MAPK4: variants seen among roughly 807,000 people sequenced by gnomAD.
MAPK4 encodes mitogen-activated protein kinase 4, also known as Erk3-related.
In MAPK4, 22 loss-of-function variants were observed where a neutral mutation model predicts 47.7. The observed-to-expected ratio is 0.46, with a 90% CI of 0.33 to 0.66. MAPK4 has a LOEUF of 0.66. Among genes scored for constraint, MAPK4 ranks in the 30% least tolerant of loss-of-function variants. MAPK4 has a pLI of 0.02. For synonymous variants in MAPK4, 390 were observed against 365.7 expected (o/e 1.07, Z -0.76); for missense variants, 736 against 831.7 (o/e 0.88, Z 1.42).
rs371446025 is a variant in MAPK4, at chr18:50,726,113, C to T, written c.1005C>T (p.Asp335=). The change falls in exon 5 of 6, where the codon GAC becomes GAT. Residue 335 remains aspartate (D), a synonymous_variant. Transcript: ENST00000400384. Reference sequence around the variant, plus strand: ...CCTTCCGCATTGAGGATGAGATCGACGACATCGTGCTGATGGCCGCTAACC... The same window carrying T: ...CCTTCCGCATTGAGGATGAGATCGATGACATCGTGCTGATGGCCGCTAACC... ...QHPFRIEDEI[D]DIVLMAANQS... is the part of the protein sequence containing the mutation. 7 of 1,614,060 alleles carry T rather than the reference C, an allele frequency of 4.3e-6. No individual in the cohort carries two copies. Among genetic ancestry groups the T allele is most frequent in the African/African-American group, 2.7e-5 (2 of 74,934 alleles).
intron 2 of MAPK4, among the ~76,000 whole-genome samples, chr18:50,672,656 G>T (rs954354409): frequency 2.0e-5 from 3 of 152,128 alleles, no homozygotes; most frequent in African/African-American, 7.2e-5. Flanking sequence ...TGAGCTTGGG[G>T]TGATATTATA....
intron 1 of MAPK4, among the ~76,000 whole-genome samples, chr18:50,662,794 G>A (rs1203620128): frequency 2.0e-5 from 3 of 152,210 alleles, no homozygotes; most frequent in African/African-American, 7.2e-5. Context: ...AGGTCAGAAG[G>A]GATAATTCTC....
intron 1 of MAPK4, among the ~76,000 whole-genome samples, chr18:50,561,942 A>G (rs1376791141): frequency 1.3e-5 from 2 of 152,246 alleles, no homozygotes; most frequent in African/African-American, 4.8e-5. Context: ...CAGAGAATCC[A>G]TGCTGGAGAC....
intron 1 of MAPK4, among the ~76,000 whole-genome samples, chr18:50,594,527 A>C (rs1011593325): frequency 3.9e-5 from 6 of 152,336 alleles, no homozygotes; most frequent in Admixed American, 3.9e-4. Flanking sequence ...TGGTGCTAGA[A>C]AAAAATGGAT....
At position 50,606,121 on chromosome 18, in the gene MAPK4, A is replaced by G. The variant is rs570492829; in HGVS notation, c.-871+45878A>G. 4.7e-3 allele frequency among the ~76,000 whole-genome samples: 717 copies of G among 152,164 alleles called. 5 individuals carry two copies. The highest frequency in any genetic ancestry group is 0.015 in the African/African-American group (638 of 41,528). ...GATAAAACAAGAGCACTGCAGAGGG[A>G]ATGGGAACGTGCCCTGGAGTCAGAC... On this transcript the variant is annotated intron_variant, in intron 1 of 5. Transcript: ENST00000400384.
intron 1 of MAPK4, among the ~76,000 whole-genome samples, chr18:50,637,983 T>C (rs930247918): frequency 4.6e-5 from 7 of 152,136 alleles, no homozygotes; most frequent in Non-Finnish European, 8.8e-5. Flanking sequence ...CTTCAGCGTA[T>C]GAATTTGGAG....
intron 1 of MAPK4, among the ~76,000 whole-genome samples, chr18:50,570,607 C>G (rs1356978727): frequency 1.3e-5 from 2 of 152,210 alleles, no homozygotes; most frequent in African/African-American, 4.8e-5. Flanking sequence ...CTTGCAGAGG[C>G]TGAACCATCA....
rs1246149887 is a variant in MAPK4 at position 50,663,935 on chromosome 18, C to T, written c.-24C>T. On this transcript the variant is annotated 5_prime_UTR_variant, in exon 2 of 6. Coordinates refer to ENST00000400384, the MANE Select transcript of MAPK4 (RefSeq NM_002747.4). The stretch of plus-strand genomic sequence containing the variant: ...CCTGACTGCCCCTGTGTTACCTGGG[C>T]AGCTCCAGATCACTGAGCCCACAAT... The T allele has an allele frequency of 2.5e-6, 4 of 1,588,850 alleles. No individual in the cohort carries two copies. Among genetic ancestry groups the T allele is most frequent in the Non-Finnish European group, 3.4e-6 (4 of 1,165,058 alleles).
At chr18:50,599,453 C>T (rs1482880326) in intron 1 of MAPK4, among the ~76,000 whole-genome samples, 1 of 152,176 alleles carries the variant, frequency 6.6e-6, no homozygotes. Flanking sequence ...CGGAGTCCCG[C>T]TGTCGCCCAG....
intron 5 of MAPK4, among the ~76,000 whole-genome samples, chr18:50,727,147 T>C (rs552710055): frequency 2.6e-4 from 40 of 152,336 alleles, no homozygotes; most frequent in South Asian, 8.3e-4. Context: ...AATGATCTCT[T>C]AGATCTTTTC....
chr18:50,711,824 G>GTTTT (rs35984682), intron 2 of MAPK4, among the ~76,000 whole-genome samples: 3 of 141,024 alleles, frequency 2.1e-5, no homozygotes, highest in African/African-American at 7.9e-5. Context: ...ATTCTTTAAA[G>GTTTT]TTTTTTTTTT....
At chr18:50,690,006 C>G (rs543810923) in intron 2 of MAPK4, among the ~76,000 whole-genome samples, 1 of 152,136 alleles carries the variant, frequency 6.6e-6, no homozygotes, top group Non-Finnish European at 1.5e-5. Flanking sequence ...TCCTAGAGGT[C>G]TCATATCAGG....
chr18:50,586,815 T>C, intron 1 of MAPK4, among the ~76,000 whole-genome samples: 1 of 152,180 alleles, frequency 6.6e-6, no homozygotes, highest in Non-Finnish European at 1.5e-5. Context: ...GCAAATACTT[T>C]CATATATGCT....
At chr18:50,603,203 A>T (rs1235935115) in intron 1 of MAPK4, among the ~76,000 whole-genome samples, 3 of 152,010 alleles carry the variant, frequency 2.0e-5, no homozygotes, top group Admixed American at 2.0e-4. Flanking sequence ...CTCCCCTGTC[A>T]TTTCTGTTCT....
intron 3 of MAPK4, among the ~76,000 whole-genome samples, chr18:50,720,673 C>T (rs2144465370): frequency 6.6e-6 from 1 of 152,284 alleles, no homozygotes; most frequent in African/African-American, 2.4e-5. Flanking sequence ...AAGGTCCCAC[C>T]ATCTCTGTCT....
chr18:50,663,967 G>A lies in MAPK4; in HGVS notation c.9G>A (p.Glu3=), dbSNP rs769175436. The change falls in exon 2 of 6, where the codon GAG becomes GAA. Residue 3 remains glutamate (E), a synonymous_variant. Coordinates refer to ENST00000400384, the MANE Select transcript of MAPK4 (RefSeq NM_002747.4). ...AGATCACTGAGCCCACAATGGCTGA[G>A]AAGGGTGACTGCATCGCCAGTGTCT... MA[E]KGDCIASVYG... 3 of 1,610,570 alleles carry A rather than the reference G, an allele frequency of 1.9e-6. No homozygotes were observed. The African/African-American group carries it at 4.0e-5, about 22-fold the overall frequency.
chr18:50,715,204 G>T lies in MAPK4; in HGVS notation c.672G>T (p.Thr224=), dbSNP rs550266883. 6.2e-7 allele frequency: 1 copy of T among 1,613,972 alleles called. No homozygotes were observed. Among genetic ancestry groups the T allele is most frequent in the African/African-American group, 1.3e-5 (1 of 75,012 alleles). ...AAGCILAEML[T]GRMLFAGAHE... ...GCTGCATCCTGGCTGAGATGCTTACGGGGAGAATGCTCTTTGCTGGTGAGT... is the reference window on the plus strand; with the variant it reads ...GCTGCATCCTGGCTGAGATGCTTACTGGGAGAATGCTCTTTGCTGGTGAGT... Residue 224 remains threonine, a synonymous_variant, in exon 3 of 6, where the codon ACG becomes ACT. Coordinates refer to ENST00000400384, the MANE Select transcript of MAPK4 (RefSeq NM_002747.4).
intron 2 of MAPK4, among the ~76,000 whole-genome samples, chr18:50,668,064 C>T (rs1205440379): frequency 6.6e-6 from 1 of 152,198 alleles, no homozygotes; most frequent in African/African-American, 2.4e-5. Flanking sequence ...CTCAGGGAAA[C>T]ACCTATTTAC....
chr18:50,622,885 T>TTC (rs2042744869), intron 1 of MAPK4, among the ~76,000 whole-genome samples: 1 of 152,240 alleles, frequency 6.6e-6, no homozygotes, highest in South Asian at 2.1e-4. Flanking sequence ...AGCCAATTAA[T>TTC]GATTGTCGGG....
Sources: gnomAD v4.1 joint callset for allele counts (sites outside exome capture counted in the v4.1 genomes callset) on GRCh38, gnomAD v4.1.1 for gene constraint, MANE v1.5 for transcripts, NCBI Gene and HGNC (gene_info 2026-07-23, HGNC 2026-07-21) for gene names.